PIK3C2B: variants seen among roughly 807,000 people sequenced by gnomAD.
The protein encoded by PIK3C2B is phosphatidylinositol-4-phosphate 3-kinase catalytic subunit type 2 beta, also known as phosphatidylinositol 4-phosphate 3-kinase C2 domain-containing subunit beta.
Under a neutral mutation model 184.3 loss-of-function variants are expected in PIK3C2B, and 83 were observed. The observed-to-expected ratio is 0.45, with a 90% CI of 0.38 to 0.54. The LOEUF (loss-of-function observed/expected upper bound fraction) is 0.54, where lower values mean the gene tolerates loss of function less well. Ranked by LOEUF, PIK3C2B falls within the 20% of genes least tolerant of loss-of-function variation. PIK3C2B has a pLI of 0.00. For missense variants in PIK3C2B, 1,736 were observed against 2,113.5 expected (o/e 0.82, Z 3.50); for synonymous variants, 779 against 837.6 (o/e 0.93, Z 1.21).
At chr1:204,454,635 G>A in intron 12 of PIK3C2B, 34 bp downstream of exon 12, 1 of 1,610,152 alleles carries the variant, frequency 6.2e-7, no homozygotes, top group South Asian at 1.1e-5. Flanking sequence ...GGTCTACAGT[G>A]GCCTGGGCAC....
chr1:204,439,198 A>AATT, intron 22 of PIK3C2B, 127 bp from the exon 23 acceptor site: 2 of 863,022 alleles, frequency 2.3e-6, no homozygotes, highest in East Asian at 5.4e-5. Context: ...TAAGTCTGAT[A>AATT]ATAACAGGAA....
Position 204,434,294 on chromosome 1 carries a change from G to A in PIK3C2B, c.3686+145C>T, listed in dbSNP as rs61757992. On this transcript the variant is annotated intron_variant, in intron 24 of 32. Transcript: ENST00000684373. ...CTGCAAGGACTTGACCTCTTTATCC[G>A]TCTTCTCTCCTCCAATGCTGCTCAG... 1.6e-3 allele frequency: 1,115 copies of A among 713,676 alleles called. 18 individuals carry two copies. The African/African-American group carries it at 0.018, about 11-fold the overall frequency. The allele number at this position is 713,676 out of a possible 1,614,324, so 44.2% of individuals were successfully genotyped here.
At position 204,469,637 on chromosome 1, in the gene PIK3C2B, A is replaced by G; in HGVS notation, c.166T>C (p.Ser56Pro). The part of the protein sequence containing the change: ...ENRAKQNADP[S>P]LISWDEPGVD... ...CCAGGCTCATCCCAGCTGATGAGAG[A>G]GGGGTCTGCGTTCTGCTTGGCTCTG... is the stretch of plus-strand genomic sequence containing the variant. Residue 56 changes from serine to proline, a missense_variant, in exon 2 of 33, where the codon TCT becomes CCT. By Grantham distance (74) the Ser-to-Pro change is moderately conservative. Transcript: ENST00000684373. The G allele has an allele frequency of 6.2e-7, 1 of 1,612,722 alleles. No individual in the cohort carries two copies. Among genetic ancestry groups the G allele is most frequent in the South Asian group, 1.1e-5 (1 of 90,902 alleles).
intron 12 of PIK3C2B, among the ~76,000 whole-genome samples, chr1:204,453,440 C>T (rs1654543577): frequency 6.6e-6 from 1 of 152,198 alleles, no homozygotes. Flanking sequence ...ATATTTATAA[C>T]CCACCTATCT....
In PIK3C2B at chr1:204,477,158, G is replaced by A. The variant is rs185547553; in HGVS notation, c.-84-7272C>T. On this transcript the variant is annotated intron_variant, in intron 1 of 32. Coordinates refer to ENST00000684373, the MANE Select transcript of PIK3C2B (RefSeq NM_001377334.1). ...ATTGACAACAATAATATTATCTAAT[G>A]CACACTCCACATTTGAGTGACCGCA... is the stretch of plus-strand genomic sequence containing the variant. Among the ~76,000 whole-genome samples the A allele has an allele frequency of 3.3e-5, 5 of 152,254 alleles. No individual in the cohort carries two copies. The East Asian group carries it at 9.6e-4, about 29-fold the overall frequency.
chr1:204,438,867 G>A lies in PIK3C2B; in HGVS notation c.3516+68C>T, dbSNP rs1192277076. On this transcript the variant is annotated intron_variant, in intron 23 of 32. Coordinates refer to ENST00000684373, the MANE Select transcript of PIK3C2B (RefSeq NM_001377334.1). ...TCTCTGAGCAAGTGCAGGTCTTGTG[G>A]TTAAAGAGCTGTGTGCCGGCATCAG... 3 of 1,550,994 alleles carry A rather than the reference G, an allele frequency of 1.9e-6. No individual in the cohort carries two copies. In the African/African-American group the frequency reaches 4.1e-5, roughly 21 times the overall value.
At chr1:204,449,161 G>C in intron 14 of PIK3C2B, 24 bp downstream of exon 14, 1 of 1,491,630 alleles carries the variant, frequency 6.7e-7, no homozygotes. Context: ...GCTGGTGACT[G>C]GGAGGGAAGG....
At chr1:204,468,220 G>A (rs570766327) in intron 2 of PIK3C2B, among the ~76,000 whole-genome samples, 26 of 152,154 alleles carry the variant, frequency 1.7e-4, no homozygotes, top group African/African-American at 3.6e-4. Context: ...CGAATTTTAC[G>A]TTACGTATAT....
chr1:204,493,776 G>A (rs1658172459), intron 1 of PIK3C2B, among the ~76,000 whole-genome samples: 1 of 152,162 alleles, frequency 6.6e-6, no homozygotes, highest in African/African-American at 2.4e-5. Context: ...GGAGAGCAGC[G>A]CCTTCTCCCA....
At chr1:204,434,379 A>C in intron 24 of PIK3C2B, 60 bp downstream of exon 24, 1 of 1,496,092 alleles carries the variant, frequency 6.7e-7, no homozygotes, top group Non-Finnish European at 9.3e-7. Context: ...CCCAGCTCTG[A>C]ACCACTGTTG....
intron 18 of PIK3C2B, among the ~76,000 whole-genome samples, chr1:204,443,816 C>T (rs530598248): frequency 2.0e-5 from 3 of 152,330 alleles, no homozygotes; most frequent in Admixed American, 1.3e-4. Flanking sequence ...TTCACAGCCC[C>T]TCTGCATCTT....
At chr1:204,486,804 G>A (rs1657633993) in intron 1 of PIK3C2B, among the ~76,000 whole-genome samples, 1 of 151,984 alleles carries the variant, frequency 6.6e-6, no homozygotes, top group South Asian at 2.1e-4. Context: ...TTCATTTTTT[G>A]TTTGGTTTTT....
rs911392456 is a variant in PIK3C2B at position 204,443,730 on chromosome 1, G to A, written c.2868-133C>T. 5.2e-6 allele frequency: 4 copies of A among 764,356 alleles called. No homozygotes were observed. In the Admixed American group the frequency reaches 8.5e-5, roughly 16 times the overall value. The allele number at this position is 764,356 out of a possible 1,614,324, so 47.3% of individuals were successfully genotyped here. A position where few individuals can be genotyped will look rare whatever the true frequency, so the allele number is the denominator to read the frequency against. ...GAACTTGGGAGGGAAAATACATTCT[G>A]TATGTACGGCTCATATGGAGATGCT... On this transcript the variant is annotated intron_variant, in intron 18 of 32. Transcript: ENST00000684373.
chr1:204,488,989 T>C (rs1319223502), intron 1 of PIK3C2B, among the ~76,000 whole-genome samples: 2 of 152,250 alleles, frequency 1.3e-5, no homozygotes, highest in East Asian at 3.8e-4. Flanking sequence ...GTGTCATTAC[T>C]GGCTCTTGGG....
Position 204,424,072 on chromosome 1 carries a change from G to C in PIK3C2B, c.*780C>G, listed in dbSNP as rs1674620106. ...TAAAGTAGGGAAGACAAGAGGAAAA[G>C]TCCCCCCAAAAGAGCATGGGTCCCT... On this transcript the variant is annotated 3_prime_UTR_variant, in exon 33 of 33. Coordinates refer to ENST00000684373, the MANE Select transcript of PIK3C2B (RefSeq NM_001377334.1). 1 of 152,800 alleles carries C rather than the reference G, an allele frequency of 6.5e-6. No individual in the cohort carries two copies. The highest frequency in any genetic ancestry group is 2.4e-5 in the African/African-American group (1 of 41,406). The allele number at this position is 152,800 out of a possible 1,614,324, so 9.5% of individuals were successfully genotyped here.
intron 1 of PIK3C2B, among the ~76,000 whole-genome samples, chr1:204,474,255 T>G (rs946498270): frequency 6.6e-6 from 1 of 152,336 alleles, no homozygotes; most frequent in East Asian, 1.9e-4. Context: ...CCCCCCAAAG[T>G]GCTGGGATTA....
chr1:204,488,427 T>C (rs189252987), intron 1 of PIK3C2B, among the ~76,000 whole-genome samples: 27 of 152,332 alleles, frequency 1.8e-4, no homozygotes, highest in African/African-American at 6.5e-4. Context: ...TCTATCAGTA[T>C]AGAATTCCTG....
chr1:204,470,190 TG>T (rs1656192139), intron 1 of PIK3C2B, among the ~76,000 whole-genome samples: 1 of 147,584 alleles, frequency 6.8e-6, no homozygotes, highest in Non-Finnish European at 1.5e-5. Flanking sequence ...TTTTTTGAGA[TG>T]GAGTCTCGCT....
Position 204,469,583 on chromosome 1 carries a change from T to C in PIK3C2B, c.220A>G (p.Arg74Gly), listed in dbSNP as rs748640529. The change falls in exon 2 of 33, where the codon AGG becomes GGG. Residue 74 changes from arginine to glycine, a missense_variant. Transcript: ENST00000684373. ...CGTAACAGCTTGAGGTCGGTCCGCC[T>C]TCCTGCTGGCTTGCTGTAAAAGTCT... The part of the protein sequence containing the change: ...GVDFYSKPAG[R>G]RTDLKLLRGL... 1.2e-5 allele frequency: 19 copies of C among 1,596,062 alleles called. No homozygotes were observed. The South Asian group carries it at 1.9e-4, about 16-fold the overall frequency.
Sources: gnomAD v4.1 joint callset for allele counts (sites outside exome capture counted in the v4.1 genomes callset) on GRCh38, gnomAD v4.1.1 for gene constraint, MANE v1.5 for transcripts, NCBI Gene and HGNC (gene_info 2026-07-23, HGNC 2026-07-21) for gene names.